Variants in RUSC2 observed in about 807,000 individuals in gnomAD.
RUSC2 encodes RUN and SH3 domain containing 2.
In RUSC2, 34 loss-of-function variants were observed where a neutral mutation model predicts 122.2. That is an observed-to-expected ratio of 0.28 (90% CI 0.21 to 0.37). The LOEUF is 0.37. RUSC2 is among the 10% of genes least tolerant of loss of function. The pLI, the probability that RUSC2 is intolerant of heterozygous loss-of-function variation, is 1.00. For synonymous variants in RUSC2, 784 were observed against 790.0 expected (o/e 0.99, Z 0.13); for missense variants, 1,747 against 1,952.4 (o/e 0.89, Z 1.98).
At chr9:35,512,922 TA>T (rs533876446) in intron 1 of RUSC2, among the ~76,000 whole-genome samples, 4 of 152,024 alleles carry the variant, frequency 2.6e-5, no homozygotes, top group South Asian at 4.2e-4. Context: ...TTTTGCAGGT[TA>T]AAAAAAATGC....
At chr9:35,512,112 C>T (rs540610008) in intron 1 of RUSC2, among the ~76,000 whole-genome samples, 25 of 152,004 alleles carry the variant, frequency 1.6e-4, no homozygotes, top group South Asian at 2.1e-4. Context: ...ACCCGGGAGG[C>T]GGAGGTTGCA....
chr9:35,501,992 G>A (rs1820825094), intron 1 of RUSC2, among the ~76,000 whole-genome samples: 1 of 152,046 alleles, frequency 6.6e-6, no homozygotes. Flanking sequence ...AATATACACT[G>A]AACATTGAGG....
intron 1 of RUSC2, among the ~76,000 whole-genome samples, chr9:35,499,786 G>A (rs546865700): frequency 1.8e-4 from 27 of 151,930 alleles, no homozygotes; most frequent in African/African-American, 5.8e-4. Context: ...TTTTATCCAC[G>A]CCCAGGCAAA....
At position 35,548,530 on chromosome 9, in the gene RUSC2, C is replaced by T. The variant is rs746737978; in HGVS notation, c.2009C>T (p.Ala670Val). The change falls in exon 2 of 12, where the codon GCT becomes GTT. Residue 670 changes from alanine to valine, a missense_variant. Coordinates refer to ENST00000361226, the MANE Select transcript of RUSC2 (RefSeq NM_014806.5). The surrounding 1 kb of genome is among the most constrained non-coding windows in gnomAD (Gnocchi z 4.5). Reference sequence around the variant, plus strand: ...ACCCAGAGGGATGCAAGAGCTAGAGCTGACGGTAAGGAGCCTAAGGGTTAG... The same window carrying T: ...ACCCAGAGGGATGCAAGAGCTAGAGTTGACGGTAAGGAGCCTAAGGGTTAG... ...SHTQRDARAR[A>V]DGGGTESRPV... is the part of the protein sequence containing the mutation. The T allele has an allele frequency of 1.2e-6, 2 of 1,609,706 alleles. No individual in the cohort carries two copies. The highest frequency in any genetic ancestry group is 1.7e-6 in the Non-Finnish European group (2 of 1,178,642).
intron 1 of RUSC2, among the ~76,000 whole-genome samples, chr9:35,523,710 G>A (rs577553373): frequency 1.3e-5 from 2 of 152,154 alleles, no homozygotes; most frequent in East Asian, 3.9e-4. Context: ...AGCTACTCAG[G>A]AGGCTGAGGT....
chr9:35,516,448 A>G (rs1383683812), intron 1 of RUSC2, among the ~76,000 whole-genome samples: 2 of 152,178 alleles, frequency 1.3e-5, no homozygotes, highest in Admixed American at 6.5e-5. Flanking sequence ...GGGAAAGAAA[A>G]AAAAAGGCCT....
chr9:35,547,772 C>T lies in RUSC2; in HGVS notation c.1251C>T (p.Ile417=). ...QSSPSPAGSS[I]TSCSEEHTKI... is the part of the protein sequence containing the mutation. ...CCCCAAGCCCTGCTGGCTCTTCCATCACTAGCTGCTCTGAGGAACACACCA... is the reference window on the plus strand; with the variant it reads ...CCCCAAGCCCTGCTGGCTCTTCCATTACTAGCTGCTCTGAGGAACACACCA... Residue 417 remains isoleucine (I), a synonymous_variant, in exon 2 of 12, where the codon ATC becomes ATT. Transcript: ENST00000361226. The surrounding 1 kb of genome is among the most constrained non-coding windows in gnomAD (Gnocchi z 4.6). 1 of 1,614,196 alleles carries T rather than the reference C, an allele frequency of 6.2e-7. No individual in the cohort carries two copies. Among genetic ancestry groups the T allele is most frequent in the Non-Finnish European group, 8.5e-7 (1 of 1,180,050 alleles).
At chr9:35,497,004 A>G (rs910701601) in intron 1 of RUSC2, among the ~76,000 whole-genome samples, 1 of 152,216 alleles carries the variant, frequency 6.6e-6, no homozygotes, top group African/African-American at 2.4e-5. Context: ...CTGGCATTTA[A>G]TCCTCACAAA....
At chr9:35,513,137 A>G (rs541300543) in intron 1 of RUSC2, among the ~76,000 whole-genome samples, 1 of 152,220 alleles carries the variant, frequency 6.6e-6, no homozygotes, top group Non-Finnish European at 1.5e-5. Context: ...CTGAAAGAGC[A>G]GCCATTCTTA....
intron 1 of RUSC2, among the ~76,000 whole-genome samples, chr9:35,490,951 T>G (rs1338024093): frequency 2.0e-5 from 3 of 152,162 alleles, no homozygotes; most frequent in Non-Finnish European, 4.4e-5. Context: ...GTAGTGTTGC[T>G]GGTGGAGGGT....
intron 1 of RUSC2, among the ~76,000 whole-genome samples, chr9:35,525,703 G>A (rs1253953386): frequency 6.6e-6 from 1 of 152,148 alleles, no homozygotes; most frequent in Non-Finnish European, 1.5e-5. Flanking sequence ...GGAGGTTGAG[G>A]CAGGAGAATT....
intron 1 of RUSC2, among the ~76,000 whole-genome samples, chr9:35,521,794 C>T (rs549285056): frequency 6.6e-6 from 1 of 152,364 alleles, no homozygotes; most frequent in South Asian, 2.1e-4. Context: ...CCCAGCATGC[C>T]GTCTGGCCTC....
At chr9:35,508,390 T>C (rs1820954864) in intron 1 of RUSC2, among the ~76,000 whole-genome samples, 1 of 152,240 alleles carries the variant, frequency 6.6e-6, no homozygotes, top group Admixed American at 6.5e-5. Context: ...AATGTGAACA[T>C]ATCTCAGTGT....
intron 1 of RUSC2, among the ~76,000 whole-genome samples, chr9:35,535,620 G>A (rs1055682864): frequency 3.4e-5 from 5 of 147,548 alleles, no homozygotes; most frequent in African/African-American, 1.3e-4. Context: ...CTCACTGCAA[G>A]CTCTGCCTCC....
intron 1 of RUSC2, among the ~76,000 whole-genome samples, chr9:35,531,173 AT>A (rs1421784386): frequency 6.6e-6 from 1 of 152,098 alleles, no homozygotes; most frequent in African/African-American, 2.4e-5. Context: ...AGGCAGGAGA[AT>A]GGCATGAACC....
intron 1 of RUSC2, among the ~76,000 whole-genome samples, chr9:35,490,627 C>T (rs909960455): frequency 1.3e-5 from 2 of 152,188 alleles, no homozygotes; most frequent in African/African-American, 4.8e-5. Flanking sequence ...CTCCCTACTG[C>T]CAGTTCCCGG....
chr9:35,504,168 T>TA, intron 1 of RUSC2, among the ~76,000 whole-genome samples: 1 of 152,352 alleles, frequency 6.6e-6, no homozygotes, highest in Middle Eastern at 3.4e-3. Context: ...GTGGAGTTAC[T>TA]GAGTTAAATG....
chr9:35,496,752 C>T (rs1442433941), intron 1 of RUSC2, among the ~76,000 whole-genome samples: 2 of 152,140 alleles, frequency 1.3e-5, no homozygotes, highest in Non-Finnish European at 2.9e-5. Flanking sequence ...AACTGTCGCC[C>T]TGCACCTGAT....
rs1200848622 is a variant in RUSC2, at chr9:35,546,656, C to T, written c.135C>T (p.Phe45=). ...GGGGSTRPNP[F]CPPELGITQP... ...GTGGGAGCACAAGACCTAATCCCTTCTGCCCACCTGAGCTGGGCATCACCC... is the reference window on the plus strand; with the variant it reads ...GTGGGAGCACAAGACCTAATCCCTTTTGCCCACCTGAGCTGGGCATCACCC... Residue 45 remains phenylalanine, a synonymous_variant, in exon 2 of 12, where the codon TTC becomes TTT. Transcript: ENST00000361226. The surrounding 1 kb of genome is among the most constrained non-coding windows in gnomAD (Gnocchi z 4.3). 6.4e-6 allele frequency: 10 copies of T among 1,571,628 alleles called. No homozygotes were observed. The highest frequency in any genetic ancestry group is 1.4e-5 in the African/African-American group (1 of 73,920).
Sources: gnomAD v4.1 joint callset for allele counts (sites outside exome capture counted in the v4.1 genomes callset) on GRCh38, gnomAD v4.1.1 for gene constraint, Gnocchi (gnomAD v3.1) non-coding constraint, MANE v1.5 for transcripts, NCBI Gene and HGNC (gene_info 2026-07-23, HGNC 2026-07-21) for gene names.